PCDH15: variants seen among roughly 807,000 people sequenced by gnomAD.
The protein encoded by PCDH15 is protocadherin related 15.
PCDH15 carries 129 observed loss-of-function variants against 178.5 expected under a neutral mutation model. That is an observed-to-expected ratio of 0.72 (90% CI 0.63 to 0.84). The LOEUF is 0.84. Among genes scored for constraint, PCDH15 ranks in the 40% least tolerant of loss-of-function variants. The pLI is 0.00. For missense variants in PCDH15, 2,230 were observed against 2,099.9 expected, an observed-to-expected ratio of 1.06 and a Z score of -1.21; for synonymous variants, 800 against 732.0, an observed-to-expected ratio of 1.09 and a Z score of -1.50.
chr10:54,779,266 G>T (rs1342960430), intron 1 of PCDH15, among the ~76,000 whole-genome samples: 3 of 150,930 alleles, frequency 2.0e-5, no homozygotes, highest in African/African-American at 7.3e-5. Flanking sequence ...TTACTGACCA[G>T]AACTCTGCAT....
intron 1 of PCDH15, among the ~76,000 whole-genome samples, chr10:54,725,560 A>ATG (rs879708668): frequency 0.02 from 2,431 of 124,498 alleles, 79 homozygotes; most frequent in African/African-American, 0.043. Flanking sequence ...AATTATATAT[A>ATG]TATATAATTG....
chr10:54,346,602 CA>C (rs1943334046), intron 5 of PCDH15, 118 bp from the exon 6 acceptor site: 3 of 1,122,508 alleles, frequency 2.7e-6, no homozygotes, highest in Non-Finnish European at 4.0e-6. Flanking sequence ...TGGCAGCCCA[CA>C]ACCACAAACT....
intron 16 of PCDH15, among the ~76,000 whole-genome samples, chr10:54,083,963 C>T (rs1031464799): frequency 1.3e-5 from 2 of 151,982 alleles, no homozygotes; most frequent in Non-Finnish European, 2.9e-5. Flanking sequence ...CGGTGGCTCA[C>T]GCCTGTAATT....
At chr10:53,953,628 G>A (rs763350119) in intron 23 of PCDH15, among the ~76,000 whole-genome samples, 7 of 151,862 alleles carry the variant, frequency 4.6e-5, no homozygotes, top group Non-Finnish European at 1.0e-4. Flanking sequence ...TTATAAACCA[G>A]AAAAACATCA....
intron 25 of PCDH15, among the ~76,000 whole-genome samples, chr10:53,911,696 C>A (rs766906563): frequency 2.6e-5 from 4 of 152,142 alleles, no homozygotes; most frequent in Admixed American, 1.3e-4. Context: ...AATTGATAGA[C>A]TGCTAGCAAG....
intron 3 of PCDH15, among the ~76,000 whole-genome samples, chr10:54,839,925 C>T (rs917896033): frequency 7.2e-5 from 11 of 151,846 alleles, no homozygotes; most frequent in Admixed American, 2.0e-4. Flanking sequence ...AGATGTCCTT[C>T]AGAAATAAAA....
intron 32 of PCDH15, among the ~76,000 whole-genome samples, chr10:53,826,015 T>C (rs2076654451): frequency 6.6e-6 from 1 of 151,722 alleles, no homozygotes; most frequent in East Asian, 1.9e-4. Context: ...TAATTTCATA[T>C]ATAAACACAC....
At chr10:54,137,721 G>A (rs1334447395) in intron 14 of PCDH15, among the ~76,000 whole-genome samples, 1 of 152,182 alleles carries the variant, frequency 6.6e-6, no homozygotes, top group African/African-American at 2.4e-5. Flanking sequence ...TTGGATTTGA[G>A]ATTGTCACCA....
intron 8 of PCDH15, among the ~76,000 whole-genome samples, chr10:54,239,635 TAATA>T (rs1374371310): frequency 1.3e-5 from 2 of 152,010 alleles, no homozygotes; most frequent in Non-Finnish European, 2.9e-5. Flanking sequence ...TTAACATTAT[TAATA>T]AATAAATTAT....
chr10:55,270,009 C>G (rs1366782882), intron 1 of PCDH15, among the ~76,000 whole-genome samples: 1 of 152,076 alleles, frequency 6.6e-6, no homozygotes, highest in Non-Finnish European at 1.5e-5. Context: ...TTTCACAAGC[C>G]TGACAAAAAC....
chr10:54,352,934 C>A (rs915281005), intron 5 of PCDH15, among the ~76,000 whole-genome samples: 6 of 152,098 alleles, frequency 3.9e-5, no homozygotes. Flanking sequence ...TGCAATTAAT[C>A]CCTGCCTTGG....
At chr10:53,989,767 G>T (rs1240452470) in intron 21 of PCDH15, among the ~76,000 whole-genome samples, 1 of 152,122 alleles carries the variant, frequency 6.6e-6, no homozygotes, top group South Asian at 2.1e-4. Context: ...TTAAAAATCA[G>T]AGTCTCTGCT....
intron 2 of PCDH15, among the ~76,000 whole-genome samples, chr10:54,627,936 T>G (rs545023548): frequency 1.3e-5 from 2 of 152,322 alleles, no homozygotes; most frequent in South Asian, 4.1e-4. Context: ...CATAAGAAAC[T>G]TAATAATAAC....
chr10:55,429,882 T>C (rs1838842899), intron 2 of PCDH15, among the ~76,000 whole-genome samples: 1 of 152,216 alleles, frequency 6.6e-6, no homozygotes, highest in Non-Finnish European at 1.5e-5. Flanking sequence ...TGTTTACATT[T>C]AATCTTTAGC....
At chr10:54,092,088 A>G (rs1189469383) in intron 15 of PCDH15, among the ~76,000 whole-genome samples, 1 of 152,154 alleles carries the variant, frequency 6.6e-6, no homozygotes, top group African/African-American at 2.4e-5. Context: ...AAATTCAAAC[A>G]ATAATCTATT....
At chr10:54,887,531 AAATT>A (rs1443821056) in intron 3 of PCDH15, among the ~76,000 whole-genome samples, 1 of 152,164 alleles carries the variant, frequency 6.6e-6, no homozygotes, top group African/African-American at 2.4e-5. Flanking sequence ...ATATAGGAAG[AAATT>A]ATTATAAAGA....
At chr10:54,538,655 A>T (rs1461584527) in intron 2 of PCDH15, among the ~76,000 whole-genome samples, 1 of 152,154 alleles carries the variant, frequency 6.6e-6, no homozygotes, top group East Asian at 1.9e-4. Context: ...AAACTGGATC[A>T]TGGGTGTAGG....
chr10:54,712,838 T>C (rs2095440083), intron 1 of PCDH15, among the ~76,000 whole-genome samples: 2 of 152,070 alleles, frequency 1.3e-5, no homozygotes, highest in Non-Finnish European at 2.9e-5. Context: ...TCCTAAATTT[T>C]AATTATCATA....
chr10:54,743,679 A>G lies in PCDH15; in HGVS notation c.-29+57246T>C, dbSNP rs563461479. Among the ~76,000 whole-genome samples, 159 of 152,218 alleles carry G rather than the reference A, an allele frequency of 1.0e-3. 2 individuals are homozygous for G. Among genetic ancestry groups the G allele is most frequent in the African/African-American group, 3.7e-3 (154 of 41,566 alleles). On this transcript the variant is annotated intron_variant, in intron 1 of 37. Transcript: ENST00000644397. ...CAGAGATGAATATATAGTTTCCAACATAATATAGAGGCATAGTAGCATCCT... is the reference window on the plus strand; with the variant it reads ...CAGAGATGAATATATAGTTTCCAACGTAATATAGAGGCATAGTAGCATCCT...
Sources: gnomAD v4.1 joint callset for allele counts (sites outside exome capture counted in the v4.1 genomes callset) on GRCh38, gnomAD v4.1.1 for gene constraint, MANE v1.5 for transcripts, NCBI Gene and HGNC (gene_info 2026-07-23, HGNC 2026-07-21) for gene names.